SGCG: variants seen among roughly 807,000 people sequenced by gnomAD.
The protein encoded by SGCG is sarcoglycan gamma.
Under a neutral mutation model 29.3 loss-of-function variants are expected in SGCG, and 26 were observed. The ratio of observed to expected loss-of-function variants is 0.89; its 90% CI spans 0.65 to 1.23. The LOEUF (loss-of-function observed/expected upper bound fraction) is 1.23. SGCG is among the 50% of genes most tolerant of loss of function. The pLI, the probability that SGCG is intolerant of heterozygous loss-of-function variation, is 0.00. For synonymous variants in SGCG, 145 were observed against 129.7 expected (o/e 1.12, Z -0.80); for missense variants, 353 against 356.0 (o/e 0.99, Z 0.07).
At chr13:23,313,382 C>T (rs1163962513) in intron 6 of SGCG, among the ~76,000 whole-genome samples, 4 of 152,124 alleles carry the variant, frequency 2.6e-5, no homozygotes, top group African/African-American at 9.7e-5. Flanking sequence ...CCAGGCTGGT[C>T]TCAAACTCCT....
chr13:23,164,997 C>G, the SGCG span, among the ~76,000 whole-genome samples: 1 of 152,304 alleles, frequency 6.6e-6, no homozygotes, highest in Non-Finnish European at 1.5e-5. Context: ...TGTGGCCCTC[C>G]CCTCCCACTG....
At chr13:23,211,375 T>G (rs1402196435) in intron 2 of SGCG, among the ~76,000 whole-genome samples, 1 of 152,158 alleles carries the variant, frequency 6.6e-6, no homozygotes, top group Non-Finnish European at 1.5e-5. Context: ...AGGTCCCTCC[T>G]GCATCCACCA....
intron 3 of SGCG, among the ~76,000 whole-genome samples, chr13:23,235,805 A>C (rs1484062501): frequency 6.6e-6 from 1 of 152,212 alleles, no homozygotes; most frequent in Non-Finnish European, 1.5e-5. Context: ...AGTATCTCCT[A>C]ACTGCAGAGG....
chr13:23,215,389 G>A (rs1878388517), intron 2 of SGCG, among the ~76,000 whole-genome samples: 1 of 151,908 alleles, frequency 6.6e-6, no homozygotes, highest in South Asian at 2.1e-4. Context: ...TACTTGATTA[G>A]GTTTTATTTA....
At chr13:23,215,811 A>G (rs972129530) in intron 2 of SGCG, among the ~76,000 whole-genome samples, 2 of 152,052 alleles carry the variant, frequency 1.3e-5, no homozygotes, top group African/African-American at 2.4e-5. Context: ...AAAAAAAAAA[A>G]AACTAAAACA....
upstream of SGCG, among the ~76,000 whole-genome samples, chr13:23,176,458 C>A (rs1244005173): frequency 6.6e-6 from 1 of 152,076 alleles, no homozygotes; most frequent in Admixed American, 6.5e-5. Flanking sequence ...GCTATATTTT[C>A]TTGCTGAAAA....
chr13:23,250,583 C>A, intron 3 of SGCG, 47 bp from the exon 4 acceptor site: 1 of 875,384 alleles, frequency 1.1e-6, no homozygotes, highest in Non-Finnish European at 1.9e-6. Context: ...AAGATATAAT[C>A]ATTTTAAACA....
intron 1 of SGCG, among the ~76,000 whole-genome samples, chr13:23,191,708 A>G (rs1024103712): frequency 6.6e-6 from 1 of 152,186 alleles, no homozygotes; most frequent in African/African-American, 2.4e-5. Flanking sequence ...TAGATTTGAA[A>G]AGCAAAAGTA....
At chr13:23,204,585 T>G in intron 2 of SGCG, among the ~76,000 whole-genome samples, 1 of 2,364 alleles carries the variant, frequency 4.2e-4, no homozygotes, top group Non-Finnish European at 1.2e-3. Context: ...ACAGGCTCTT[T>G]CTTTTCTTTC....
intron 4 of SGCG, among the ~76,000 whole-genome samples, chr13:23,253,978 G>A (rs1403096018): frequency 6.6e-6 from 1 of 152,220 alleles, no homozygotes; most frequent in East Asian, 1.9e-4. Flanking sequence ...TGTTTGTACA[G>A]CCTGCAGAAT....
intron 4 of SGCG, among the ~76,000 whole-genome samples, chr13:23,271,219 G>GA (rs560463913): frequency 4.2e-4 from 63 of 151,290 alleles, no homozygotes; most frequent in Non-Finnish European, 7.7e-4. Flanking sequence ...CTCCAAAAAA[G>GA]AAAAAAAAGT....
At chr13:23,250,530 GATAA>G (rs1358142123) in intron 3 of SGCG, 96 bp from the exon 4 acceptor site, 4 of 714,862 alleles carry the variant, frequency 5.6e-6, no homozygotes, top group African/African-American at 1.8e-5. Flanking sequence ...TGTAACAATG[GATAA>G]ATAATTTTAT....
At chr13:23,276,238 A>G (rs1412959057) in intron 4 of SGCG, among the ~76,000 whole-genome samples, 1 of 152,026 alleles carries the variant, frequency 6.6e-6, no homozygotes, top group South Asian at 2.1e-4. Context: ...TACAAACTCC[A>G]TAACTATTGA....
At chr13:23,160,876 G>T in the SGCG span, among the ~76,000 whole-genome samples, 1 of 152,188 alleles carries the variant, frequency 6.6e-6, no homozygotes, top group Non-Finnish European at 1.5e-5. Flanking sequence ...TCAGGGACAA[G>T]AGTAAAATGT....
At position 23,320,776 on chromosome 13, in the gene SGCG, G is replaced by A. The variant is rs1883008711; in HGVS notation, c.702+16G>A. On this transcript the variant is annotated intron_variant, in intron 7 of 7. Transcript: ENST00000218867. Reference sequence around the variant, plus strand: ...TGATGGAATGGTGAGTTCATTCACAGATCAGCCTCCTACTGTATGTCCTGA... The same window carrying A: ...TGATGGAATGGTGAGTTCATTCACAAATCAGCCTCCTACTGTATGTCCTGA... 1 of 1,611,224 alleles carries A rather than the reference G, an allele frequency of 6.2e-7. No individual in the cohort carries two copies. Among genetic ancestry groups the A allele is most frequent in the Non-Finnish European group, 8.5e-7 (1 of 1,177,848 alleles).
At chr13:23,302,532 A>G (rs1293785511) in intron 6 of SGCG, among the ~76,000 whole-genome samples, 1 of 152,082 alleles carries the variant, frequency 6.6e-6, no homozygotes, top group Non-Finnish European at 1.5e-5. Context: ...AACATAAAGA[A>G]ATCATAAATG....
intron 5 of SGCG, among the ~76,000 whole-genome samples, chr13:23,291,672 A>G (rs939164297): frequency 3.3e-5 from 5 of 152,244 alleles, no homozygotes; most frequent in Admixed American, 6.5e-5. Context: ...GTACATTACC[A>G]TAATCATATG....
chr13:23,187,223 T>C (rs995318944), intron 1 of SGCG, among the ~76,000 whole-genome samples: 11 of 152,198 alleles, frequency 7.2e-5, no homozygotes, highest in African/African-American at 2.7e-4. Context: ...CCACTCTCGC[T>C]ATGGTGCCCC....
chr13:23,275,448 A>G (rs934417512), intron 4 of SGCG, among the ~76,000 whole-genome samples: 4 of 151,438 alleles, frequency 2.6e-5, no homozygotes, highest in Non-Finnish European at 5.9e-5. Context: ...GGTTGCAGTG[A>G]GCTGAGATCA....
Sources: allele counts gnomAD v4.1 joint callset (sites outside exome capture counted in the v4.1 genomes callset), GRCh38; gene constraint gnomAD v4.1.1; transcripts MANE v1.5; gene names NCBI Gene and HGNC (gene_info 2026-07-23, HGNC 2026-07-21).